STRIP1: variants seen among roughly 807,000 people sequenced by gnomAD.
STRIP1 encodes the protein striatin interacting protein 1, also known as striatin-interacting protein 1.
STRIP1 carries 63 observed loss-of-function variants against 106.2 expected under a neutral mutation model. The observed-to-expected ratio is 0.59, with a 90% CI of 0.48 to 0.73. The LOEUF is 0.73. Ranked by LOEUF, STRIP1 falls within the 30% of genes least tolerant of loss-of-function variation. The pLI is 0.00. For synonymous variants in STRIP1, 390 were observed against 413.0 expected (o/e 0.94, Z 0.67); for missense variants, 857 against 1,074.8 (o/e 0.80, Z 2.83).
intron 6 of STRIP1, 67 bp from the exon 7 acceptor site, chr1:110,041,469 G>GT: frequency 8.9e-7 from 1 of 1,120,742 alleles, no homozygotes. Flanking sequence ...TAAGCACTTT[G>GT]TTAGACACTA....
intron 15 of STRIP1, among the ~76,000 whole-genome samples, chr1:110,048,890 G>T (rs1422175810): frequency 6.6e-6 from 1 of 152,196 alleles, no homozygotes; most frequent in Non-Finnish European, 1.5e-5. Flanking sequence ...AACAGACTGA[G>T]AATGTATTTG....
chr1:110,049,068 GTACT>G, intron 15 of STRIP1, 40 bp from the exon 16 acceptor site: 6 of 1,612,998 alleles, frequency 3.7e-6, no homozygotes, highest in Non-Finnish European at 4.2e-6. Context: ...TAGAAATGAG[GTACT>G]GCGCATGCTG....
chr1:110,044,730 T>G (rs1652933823), intron 10 of STRIP1, 110 bp from the exon 11 acceptor site: 2 of 1,006,264 alleles, frequency 2.0e-6, no homozygotes, highest in African/African-American at 3.3e-5. Flanking sequence ...TATAGGAGAC[T>G]TCTCCTGGCT....
chr1:110,051,986 A>G, intron 20 of STRIP1, 99 bp downstream of exon 20: 2 of 1,290,344 alleles, frequency 1.5e-6, no homozygotes, highest in Non-Finnish European at 2.2e-6. Context: ...CTCTGCCCTG[A>G]GCTTCCCCCC....
upstream of STRIP1, chr1:110,034,622 G>C (rs779214552): frequency 1.3e-6 from 2 of 1,514,624 alleles, no homozygotes; most frequent in Non-Finnish European, 1.8e-6. Context: ...TAAGCTGGGG[G>C]TGTGGAGCAG....
chr1:110,038,907 T>A lies in STRIP1; in HGVS notation c.325+150T>A, dbSNP rs573712519. On this transcript the variant is annotated intron_variant, in intron 3 of 20. Transcript: ENST00000369795. Reference sequence around the variant, plus strand: ...GGTTCAAAGCCAGATACATGTAGAGTGGGCTTGTGGCACATCGGTGGGGGC... The same window carrying A: ...GGTTCAAAGCCAGATACATGTAGAGAGGGCTTGTGGCACATCGGTGGGGGC... The A allele has an allele frequency of 7.9e-6, 6 of 759,296 alleles. No homozygotes were observed. In the Admixed American group the frequency reaches 8.3e-5, roughly 11 times the overall value. 47.0% of individuals were successfully genotyped at this position (759,296 alleles called of 1,614,324 possible).
At position 110,043,558 on chromosome 1, in the gene STRIP1, T is replaced by C. The variant is rs551981992; in HGVS notation, c.1069-81T>C. 6.4e-6 allele frequency: 8 copies of C among 1,250,854 alleles called. No homozygotes were observed. In the African/African-American group the frequency reaches 8.9e-5, roughly 14 times the overall value. 77.5% of individuals were successfully genotyped at this position (1,250,854 alleles called of 1,614,324 possible). On this transcript the variant is annotated intron_variant, in intron 9 of 20. Coordinates refer to ENST00000369795, the MANE Select transcript of STRIP1 (RefSeq NM_033088.4). ...TTCTTGCCTCTACTGGACACCTGTA[T>C]GTGCTGTGTCTCCTCTGGCTGCACT...
At chr1:110,047,920 A>G in intron 15 of STRIP1, 51 bp downstream of exon 15, 1 of 1,444,408 alleles carries the variant, frequency 6.9e-7, no homozygotes, top group South Asian at 1.2e-5. Flanking sequence ...TAGATGGAGA[A>G]GGGCAAACAT....
chr1:110,039,718 C>A, intron 5 of STRIP1: 1 of 1,008,706 alleles, frequency 9.9e-7, no homozygotes, highest in Non-Finnish European at 1.4e-6. Context: ...GTCCCTGCAG[C>A]TCCCTGATGC....
rs1448132206 is a variant in STRIP1 at position 110,034,860 on chromosome 1, C to T, written c.180+43C>T. On this transcript the variant is annotated intron_variant, in intron 1 of 20. Coordinates refer to ENST00000369795, the MANE Select transcript of STRIP1 (RefSeq NM_033088.4). ...GCGAGGCTCGCACCGGGTCGGGCGG[C>T]GCCGGGGGTCCCGGGCCCGGGGCCA... is the stretch of plus-strand genomic sequence containing the variant. 2.8e-5 allele frequency: 39 copies of T among 1,373,486 alleles called. No homozygotes were observed. The South Asian group carries it at 3.7e-4, about 13-fold the overall frequency. 85.1% of individuals were successfully genotyped at this position (1,373,486 alleles called of 1,614,324 possible).
intron 5 of STRIP1, 181 bp downstream of exon 5, chr1:110,039,696 G>C: frequency 1.0e-6 from 1 of 987,410 alleles, no homozygotes; most frequent in Non-Finnish European, 1.5e-6. Context: ...GATTAATGGA[G>C]ACTAATGACA....
chr1:110,039,136 TC>T, intron 3 of STRIP1, 35 bp from the exon 4 acceptor site: 1 of 1,609,730 alleles, frequency 6.2e-7, no homozygotes, highest in Non-Finnish European at 8.5e-7. Context: ...TGAGGATTTT[TC>T]TAGGCTCAGG....
intron 12 of STRIP1, among the ~76,000 whole-genome samples, chr1:110,046,188 G>A (rs1203632691): frequency 2.0e-5 from 3 of 152,084 alleles, no homozygotes; most frequent in South Asian, 2.1e-4. Context: ...AGTTGCAAGA[G>A]GAAGGGGCCC....
At chr1:110,034,920 G>T (rs995208244) in intron 1 of STRIP1, 103 bp downstream of exon 1, 70 of 1,150,886 alleles carry the variant, frequency 6.1e-5, no homozygotes, top group Middle Eastern at 3.1e-4. Context: ...CGGAGGGCTC[G>T]GTAGAGTCCG....
chr1:110,051,386 A>T (rs1653294389), intron 19 of STRIP1, among the ~76,000 whole-genome samples: 1 of 152,182 alleles, frequency 6.6e-6, no homozygotes, highest in Non-Finnish European at 1.5e-5. Context: ...GAGGTCCTTG[A>T]ATCCTCTGAT....
At chr1:110,044,566 A>G (rs948602786) in intron 10 of STRIP1, among the ~76,000 whole-genome samples, 16 of 152,274 alleles carry the variant, frequency 1.1e-4, no homozygotes, top group African/African-American at 3.4e-4. Context: ...TACTATCTGA[A>G]TAAAGCATGT....
intron 10 of STRIP1, 71 bp downstream of exon 10, chr1:110,043,927 G>A: frequency 7.1e-7 from 1 of 1,412,586 alleles, no homozygotes; most frequent in Non-Finnish European, 1.0e-6. Context: ...CCTGCCACCT[G>A]GCCTGTGTCA....
intron 3 of STRIP1, chr1:110,038,961 A>G (rs889439546): frequency 2.7e-6 from 2 of 736,622 alleles, no homozygotes; most frequent in Non-Finnish European, 4.4e-6. Context: ...TAGGGGAGAA[A>G]AAAAAATCAT....
Position 110,049,205 on chromosome 1 carries a change from G to T in STRIP1, c.1755G>T (p.Leu585=). ...CCATTTCTGCTGTCCTGCTGCTGCT[G>T]CTCAAGCACTTTAAGTTGAACCATG... ...VKAISAVLLL[L]LKHFKLNHVY... The change falls in exon 16 of 21, where the codon CTG becomes CTT. Residue 585 remains leucine, a synonymous_variant. Coordinates refer to ENST00000369795, the MANE Select transcript of STRIP1 (RefSeq NM_033088.4). 1 of 1,614,200 alleles carries T rather than the reference G, an allele frequency of 6.2e-7. No homozygotes were observed. The highest frequency in any genetic ancestry group is 8.5e-7 in the Non-Finnish European group (1 of 1,180,040).
Sources: gnomAD v4.1 joint callset for allele counts (sites outside exome capture counted in the v4.1 genomes callset) on GRCh38, gnomAD v4.1.1 for gene constraint, MANE v1.5 for transcripts, NCBI Gene and HGNC (gene_info 2026-07-23, HGNC 2026-07-21) for gene names.